Variants in NRG3 observed in about 807,000 individuals in gnomAD.
The protein encoded by NRG3 is pro-neuregulin-3, membrane-bound isoform.
Under a neutral mutation model 66.9 loss-of-function variants are expected in NRG3, and 31 were observed. That is an observed-to-expected ratio of 0.46 (90% CI 0.35 to 0.63). NRG3 has a LOEUF of 0.63. Among genes scored for constraint, NRG3 ranks in the 20% least tolerant of loss-of-function variants. The probability of loss-of-function intolerance (pLI) is 0.00; values close to 1 mark genes in which losing one functional copy is unlikely to be tolerated. For missense variants in NRG3, 910 were observed against 878.9 expected (o/e 1.04, Z -0.45); for synonymous variants, 393 against 359.4 (o/e 1.09, Z -1.06).
chr10:82,834,021 C>A (rs529737683), intron 3 of NRG3, among the ~76,000 whole-genome samples: 1 of 151,958 alleles, frequency 6.6e-6, no homozygotes, highest in Admixed American at 6.6e-5. Flanking sequence ...TTTATTTTTT[C>A]TTTTCCAAAA....
intron 2 of NRG3, among the ~76,000 whole-genome samples, chr10:82,420,421 C>T (rs955720132): frequency 6.6e-6 from 1 of 152,066 alleles, no homozygotes; most frequent in East Asian, 1.9e-4. Context: ...AACAAATGAA[C>T]CAAGTGAATT....
At chr10:81,970,854 CA>C (rs2059907826) in intron 1 of NRG3, among the ~76,000 whole-genome samples, 1 of 152,128 alleles carries the variant, frequency 6.6e-6, no homozygotes, top group Non-Finnish European at 1.5e-5. Flanking sequence ...AAGAACACAA[CA>C]GTGGCTGGGC....
At chr10:82,165,259 G>T (rs2071950235) in intron 1 of NRG3, among the ~76,000 whole-genome samples, 1 of 151,814 alleles carries the variant, frequency 6.6e-6, no homozygotes, top group African/African-American at 2.4e-5. Flanking sequence ...AGTACTGGGA[G>T]AAATTTTAAG....
intron 1 of NRG3, among the ~76,000 whole-genome samples, chr10:82,300,610 G>A (rs1175527391): frequency 6.6e-6 from 1 of 152,132 alleles, no homozygotes; most frequent in Non-Finnish European, 1.5e-5. Flanking sequence ...TAACAAATTT[G>A]TTTTGCCCTG....
chr10:81,880,920 C>T (rs1024094166), intron 1 of NRG3, among the ~76,000 whole-genome samples: 2 of 152,118 alleles, frequency 1.3e-5, no homozygotes, highest in Admixed American at 6.5e-5. Context: ...TACTTATCCA[C>T]CCAAGAAAGT....
chr10:82,215,365 G>T (rs752334104), intron 1 of NRG3, among the ~76,000 whole-genome samples: 2 of 151,936 alleles, frequency 1.3e-5, no homozygotes, highest in African/African-American at 2.4e-5. Context: ...TCCACTTTTT[G>T]CTTTCTTTCC....
At chr10:82,367,628 C>T (rs1225981059) in intron 2 of NRG3, among the ~76,000 whole-genome samples, 1 of 151,956 alleles carries the variant, frequency 6.6e-6, no homozygotes, top group African/African-American at 2.4e-5. Context: ...TTTTTGTCTT[C>T]TGTTTTTCCT....
chr10:82,284,936 T>C (rs1207373213), intron 1 of NRG3, among the ~76,000 whole-genome samples: 2 of 152,194 alleles, frequency 1.3e-5, no homozygotes, highest in African/African-American at 4.8e-5. Context: ...AAACATTACG[T>C]TTAAAATCCA....
At chr10:82,030,478 A>C (rs1419043462) in intron 1 of NRG3, among the ~76,000 whole-genome samples, 1 of 152,090 alleles carries the variant, frequency 6.6e-6, no homozygotes, top group African/African-American at 2.4e-5. Flanking sequence ...TGGCTTATGC[A>C]GTAGTTACAC....
intron 2 of NRG3, among the ~76,000 whole-genome samples, chr10:82,510,140 A>G (rs1845042051): frequency 6.6e-6 from 1 of 152,094 alleles, no homozygotes; most frequent in African/African-American, 2.4e-5. Flanking sequence ...CCTCTAGAAG[A>G]TTAATCATTT....
intron 2 of NRG3, among the ~76,000 whole-genome samples, chr10:82,635,999 C>G (rs1325338547): frequency 6.6e-6 from 1 of 152,014 alleles, no homozygotes; most frequent in East Asian, 1.9e-4. Context: ...CCAAGGGAAT[C>G]TTCATGGGGA....
At chr10:82,593,835 A>AAT (rs2047119387) in intron 2 of NRG3, among the ~76,000 whole-genome samples, 1 of 151,878 alleles carries the variant, frequency 6.6e-6, no homozygotes, top group Non-Finnish European at 1.5e-5. Flanking sequence ...ATATTTCTTT[A>AAT]ATATATATGT....
At chr10:82,148,323 C>A (rs2070412705) in intron 1 of NRG3, among the ~76,000 whole-genome samples, 1 of 152,024 alleles carries the variant, frequency 6.6e-6, no homozygotes, top group Non-Finnish European at 1.5e-5. Context: ...CATAGCAAGA[C>A]CCCATTTCTA....
chr10:82,036,803 G>A (rs573877543), intron 1 of NRG3, among the ~76,000 whole-genome samples: 3 of 151,992 alleles, frequency 2.0e-5, no homozygotes, highest in Admixed American at 6.6e-5. Flanking sequence ...TTCCTGTCCC[G>A]GCACTGCTTA....
intron 2 of NRG3, among the ~76,000 whole-genome samples, chr10:82,529,756 A>C (rs1035642904): frequency 3.3e-5 from 5 of 152,206 alleles, no homozygotes; most frequent in African/African-American, 1.2e-4. Context: ...TCTACTTAAA[A>C]AAATCACTTG....
At chr10:81,926,791 C>T (rs189975740) in intron 1 of NRG3, among the ~76,000 whole-genome samples, 2 of 152,284 alleles carry the variant, frequency 1.3e-5, no homozygotes, top group Non-Finnish European at 2.9e-5. Context: ...GTTTAATCTC[C>T]AGTTTTAATC....
intron 2 of NRG3, among the ~76,000 whole-genome samples, chr10:82,723,998 A>T (rs985549376): frequency 2.0e-5 from 3 of 150,428 alleles, no homozygotes; most frequent in African/African-American, 5.0e-5. Flanking sequence ...GTAAATAAAT[A>T]AAAAAAATTT....
chr10:82,642,422 G>A (rs1200453725), intron 2 of NRG3, among the ~76,000 whole-genome samples: 3 of 151,908 alleles, frequency 2.0e-5, no homozygotes. Flanking sequence ...CAACTAAATA[G>A]CATATACTTC....
intron 2 of NRG3, among the ~76,000 whole-genome samples, chr10:82,715,436 C>T (rs948241231): frequency 6.6e-6 from 1 of 152,094 alleles, no homozygotes; most frequent in Non-Finnish European, 1.5e-5. Flanking sequence ...AGTTGTCATC[C>T]CTCCTCTGCT....
Sources: allele counts gnomAD v4.1 joint callset (sites outside exome capture counted in the v4.1 genomes callset), GRCh38; gene constraint gnomAD v4.1.1; transcripts MANE v1.5; gene names NCBI Gene and HGNC (gene_info 2026-07-23, HGNC 2026-07-21).